The following PLCB1 variants were observed in gnomAD, a reference collection of about 807,000 sequenced individuals.
The protein encoded by PLCB1 is phospholipase C beta 1.
A neutral mutation model predicts 161.8 loss-of-function variants in PLCB1; 46 were observed. The observed-to-expected ratio is 0.28, with a 90% CI of 0.22 to 0.36. The LOEUF (loss-of-function observed/expected upper bound fraction) is 0.36, where lower values mean the gene tolerates loss of function less well. Ranked by LOEUF, PLCB1 falls within the 10% of genes least tolerant of loss-of-function variation. The probability of loss-of-function intolerance (pLI) is 1.00; values close to 1 mark genes in which losing one functional copy is unlikely to be tolerated. For synonymous variants in PLCB1, 517 were observed against 503.7 expected (o/e 1.03, Z -0.35); for missense variants, 1,016 against 1,472.5 (o/e 0.69, Z 5.07).
At chr20:8,323,068 AAC>A (rs1984987389) in intron 2 of PLCB1, among the ~76,000 whole-genome samples, 3 of 152,168 alleles carry the variant, frequency 2.0e-5, no homozygotes, top group Admixed American at 2.0e-4. Flanking sequence ...AATCTCAGTT[AAC>A]TGATTGCTTT....
At chr20:8,799,171 T>G (rs558863254) in intron 31 of PLCB1, among the ~76,000 whole-genome samples, 1 of 152,206 alleles carries the variant, frequency 6.6e-6, no homozygotes, top group Non-Finnish European at 1.5e-5. Flanking sequence ...TATTTTTCTT[T>G]CTTGAGGATG....
intron 3 of PLCB1, among the ~76,000 whole-genome samples, chr20:8,553,663 A>C (rs949975717): frequency 6.6e-6 from 1 of 152,144 alleles, no homozygotes; most frequent in Non-Finnish European, 1.5e-5. Context: ...AGGAAAATTC[A>C]AGCAAATGAA....
intron 9 of PLCB1, among the ~76,000 whole-genome samples, chr20:8,665,795 T>C (rs1989795946): frequency 6.6e-6 from 1 of 152,192 alleles, no homozygotes; most frequent in Non-Finnish European, 1.5e-5. Flanking sequence ...TTCTCCATCC[T>C]TGAAAGATCA....
At chr20:8,610,031 AC>A (rs1987862104) in intron 3 of PLCB1, among the ~76,000 whole-genome samples, 1 of 152,032 alleles carries the variant, frequency 6.6e-6, no homozygotes, top group South Asian at 2.1e-4. Flanking sequence ...CCAAAAAGAA[AC>A]CCCCTACCCA....
chr20:8,388,408 C>A (rs1035413721), intron 3 of PLCB1, among the ~76,000 whole-genome samples: 4 of 152,136 alleles, frequency 2.6e-5, no homozygotes, highest in Non-Finnish European at 5.9e-5. Context: ...TATTTATTGT[C>A]TCCCATTGCT....
chr20:8,366,608 C>T (rs1276095833), intron 2 of PLCB1, among the ~76,000 whole-genome samples: 4 of 152,138 alleles, frequency 2.6e-5, no homozygotes, highest in Admixed American at 6.5e-5. Flanking sequence ...ACTGTTAATT[C>T]ACTTTTATCC....
At chr20:8,520,497 C>T (rs927981813) in intron 3 of PLCB1, among the ~76,000 whole-genome samples, 1 of 152,042 alleles carries the variant, frequency 6.6e-6, no homozygotes, top group Non-Finnish European at 1.5e-5. Context: ...ACAACCTATG[C>T]ACCTTTTTCT....
intron 9 of PLCB1, among the ~76,000 whole-genome samples, chr20:8,669,972 T>C (rs1056379830): frequency 1.3e-5 from 2 of 152,180 alleles, no homozygotes; most frequent in African/African-American, 2.4e-5. Flanking sequence ...TTTTCCTCCC[T>C]TGCATTACGG....
intron 9 of PLCB1, among the ~76,000 whole-genome samples, chr20:8,681,916 G>A (rs1245994492): frequency 6.6e-6 from 1 of 152,064 alleles, no homozygotes; most frequent in South Asian, 2.1e-4. Context: ...TAGTGATTTA[G>A]CACCCACTGT....
intron 3 of PLCB1, among the ~76,000 whole-genome samples, chr20:8,484,128 C>T (rs1268251710): frequency 2.0e-5 from 3 of 152,178 alleles, no homozygotes; most frequent in African/African-American, 7.2e-5. Flanking sequence ...CGGGTTCAAA[C>T]AATTCTTCTG....
chr20:8,741,072 C>A (rs1057334194), intron 22 of PLCB1, among the ~76,000 whole-genome samples: 2 of 152,138 alleles, frequency 1.3e-5, no homozygotes, highest in African/African-American at 4.8e-5. Context: ...GTCATTTGGG[C>A]CAAATAGGAC....
At chr20:8,369,082 A>T (rs548796963) in intron 2 of PLCB1, among the ~76,000 whole-genome samples, 1 of 152,200 alleles carries the variant, frequency 6.6e-6, no homozygotes, top group African/African-American at 2.4e-5. Flanking sequence ...TACCTGATAC[A>T]TTGTAGGCAT....
chr20:8,219,575 T>C (rs555657653), intron 2 of PLCB1, among the ~76,000 whole-genome samples: 2 of 152,292 alleles, frequency 1.3e-5, no homozygotes, highest in Admixed American at 1.3e-4. Context: ...AGTTTGTTGA[T>C]GTAAGATACT....
chr20:8,806,780 C>A (rs903067797), intron 31 of PLCB1, among the ~76,000 whole-genome samples: 1 of 152,108 alleles, frequency 6.6e-6, no homozygotes, highest in African/African-American at 2.4e-5. Flanking sequence ...CTACTACTTA[C>A]CCTCAGGATG....
intron 3 of PLCB1, among the ~76,000 whole-genome samples, chr20:8,546,844 A>G (rs1458553227): frequency 2.0e-5 from 3 of 150,906 alleles, no homozygotes; most frequent in Non-Finnish European, 4.4e-5. Context: ...TTTTTTTAAT[A>G]TCATAATAAA....
At chr20:8,547,934 T>C (rs956908647) in intron 3 of PLCB1, among the ~76,000 whole-genome samples, 2 of 152,170 alleles carry the variant, frequency 1.3e-5, no homozygotes, top group Non-Finnish European at 1.5e-5. Context: ...AGATCCCCTC[T>C]ACTGAGAATG....
intron 2 of PLCB1, among the ~76,000 whole-genome samples, chr20:8,346,999 GT>G (rs1986019578): frequency 6.6e-6 from 1 of 152,198 alleles, no homozygotes; most frequent in African/African-American, 2.4e-5. Context: ...CATTTATGGA[GT>G]GGAGAAGAAA....
chr20:8,547,555 C>T (rs924244813), intron 3 of PLCB1, among the ~76,000 whole-genome samples: 6 of 135,756 alleles, frequency 4.4e-5, no homozygotes, highest in Non-Finnish European at 5.2e-5. Context: ...ATATCTAACC[C>T]GTTCTATGTT....
chr20:8,250,692 A>T (rs963431668), intron 2 of PLCB1, among the ~76,000 whole-genome samples: 2 of 151,898 alleles, frequency 1.3e-5, no homozygotes, highest in Non-Finnish European at 2.9e-5. Context: ...CAGTTAGCAA[A>T]TATTTATTAA....
Sources: allele counts gnomAD v4.1 joint callset (sites outside exome capture counted in the v4.1 genomes callset), GRCh38; gene constraint gnomAD v4.1.1; transcripts MANE v1.5; gene names NCBI Gene and HGNC (gene_info 2026-07-23, HGNC 2026-07-21).